OCRL: variants seen among roughly 807,000 people sequenced by gnomAD.
OCRL encodes inositol polyphosphate 5-phosphatase OCRL.
In OCRL, 8 loss-of-function variants were observed where a neutral mutation model predicts 78.9. That is an observed-to-expected ratio of 0.10 (90% CI 0.06 to 0.18). OCRL has a LOEUF of 0.18. Ranked by LOEUF, OCRL falls within the 10% of genes least tolerant of loss-of-function variation. The pLI, the probability that OCRL is intolerant of heterozygous loss-of-function variation, is 1.00. For synonymous variants in OCRL, 240 were observed against 235.4 expected (o/e 1.02, Z -0.18); for missense variants, 454 against 696.7 (o/e 0.65, Z 3.92).
Position 129,590,292 on chromosome X carries a change from T to C in OCRL, c.*22T>C. 8.3e-7 allele frequency: 1 copy of C among 1,209,819 alleles called. No individual in the cohort carries two copies. Among genetic ancestry groups the C allele is most frequent in the African/African-American group, 1.7e-5 (1 of 57,666 alleles). ...CTAAGGCTTTTACTGTTCTCTGATA[T>C]TCTAGAAGCAGACGATCTCGGGCTC... On this transcript the variant is annotated 3_prime_UTR_variant, in exon 24 of 24. Coordinates refer to ENST00000371113, the MANE Select transcript of OCRL (RefSeq NM_000276.4).
chrX:129,586,699 G>A, intron 19 of OCRL: 1 of 405,747 alleles, frequency 2.5e-6, no homozygotes, highest in South Asian at 2.4e-5. Context: ...TATCACCGGA[G>A]CACTGGTTCT....
Position 129,563,234 on chromosome X carries a change from G to A in OCRL, c.1244+448G>A, listed in dbSNP as rs3116751. ...ATATGACAACCAGTAGCCATATATG[G>A]CTGTTAGGTACCTGAAAGTGACTGG... is the stretch of plus-strand genomic sequence containing the variant. On this transcript the variant is annotated intron_variant, in intron 12 of 23. Transcript: ENST00000371113. Among the ~76,000 whole-genome samples the A allele has an allele frequency of 3.4e-3, 379 of 111,558 alleles. 3 individuals are homozygous for A. The highest frequency in any genetic ancestry group is 0.012 in the African/African-American group (355 of 30,732).
At chrX:129,584,307 G>A (rs751868743) in intron 18 of OCRL, 37 bp from the exon 19 acceptor site, 1 of 1,176,935 alleles carries the variant, frequency 8.5e-7, no homozygotes, top group East Asian at 3.0e-5. Context: ...ATCATATTCT[G>A]TCTGTCAATG....
chrX:129,558,348 A>G (rs1316019507), intron 6 of OCRL, among the ~76,000 whole-genome samples: 1 of 112,295 alleles, frequency 8.9e-6, no homozygotes, highest in Non-Finnish European at 1.9e-5. Flanking sequence ...ATCATGATAT[A>G]GTCCCTTACT....
At chrX:129,584,194 A>G (rs1184015103) in intron 18 of OCRL, 150 bp from the exon 19 acceptor site, 2 of 493,134 alleles carry the variant, frequency 4.1e-6, no homozygotes, top group African/African-American at 4.8e-5. Flanking sequence ...ATTTTCAACA[A>G]TCATAATTTA....
intron 18 of OCRL, among the ~76,000 whole-genome samples, chrX:129,579,397 C>T (rs1421341448): frequency 9.0e-6 from 1 of 111,273 alleles, no homozygotes; most frequent in Non-Finnish European, 1.9e-5. Flanking sequence ...AATAATGGTA[C>T]CTGCCCTCTG....
intron 16 of OCRL, 149 bp from the exon 17 acceptor site, chrX:129,575,748 G>T (rs1422244270): frequency 6.7e-6 from 4 of 593,307 alleles, no homozygotes; most frequent in Non-Finnish European, 8.4e-6. Flanking sequence ...GCAAGTGGAT[G>T]TTGTGAAGTT....
chrX:129,553,666 A>G (rs879052352), intron 4 of OCRL, among the ~76,000 whole-genome samples: 9 of 111,831 alleles, frequency 8.0e-5, no homozygotes, highest in Admixed American at 4.7e-4. Context: ...ACAAATACAG[A>G]TAAGTTTCCA....
intron 4 of OCRL, among the ~76,000 whole-genome samples, chrX:129,552,030 G>C (rs1309369697): frequency 8.9e-6 from 1 of 111,799 alleles, no homozygotes; most frequent in Admixed American, 9.5e-5. Context: ...AGGCTAGGGG[G>C]CAGATCTGGC....
rs12387597 is a variant in OCRL at position 129,547,247 on chromosome X, T to C, written c.200-1316T>C. Among the ~76,000 whole-genome samples, 85 of 109,538 alleles carry C rather than the reference T, an allele frequency of 7.8e-4. 2 individuals carry two copies. In the East Asian group the frequency reaches 8.3e-3, roughly 11 times the overall value. ...ATCTCTAAAGAAAAAGAAAACCGGC[T>C]GGGCGCGGTGGCTCAGGCCTGTAAT... On this transcript the variant is annotated intron_variant, in intron 3 of 23. Coordinates refer to ENST00000371113, the MANE Select transcript of OCRL (RefSeq NM_000276.4).
At chrX:129,550,937 G>GTT (rs113308111) in intron 4 of OCRL, among the ~76,000 whole-genome samples, 2 of 96,489 alleles carry the variant, frequency 2.1e-5, no homozygotes, top group African/African-American at 3.7e-5. Context: ...ATTTGACAGG[G>GTT]TTTTTTTTTT....
chrX:129,540,354 G>T lies in OCRL; in HGVS notation c.-86G>T. On this transcript the variant is annotated 5_prime_UTR_variant, in exon 1 of 24. Transcript: ENST00000371113. ...GCTGTTCCTCAAACGACACGCAGCCGAGGTGGGTGGGTGTGGGGACGCGGG... is the reference window on the plus strand; with the variant it reads ...GCTGTTCCTCAAACGACACGCAGCCTAGGTGGGTGGGTGTGGGGACGCGGG... The T allele has an allele frequency of 9.9e-7, 1 of 1,008,369 alleles. No individual in the cohort carries two copies. Among genetic ancestry groups the T allele is most frequent in the Non-Finnish European group, 1.4e-6 (1 of 739,878 alleles). 83.1% of individuals were successfully genotyped at this position (1,008,369 alleles called of 1,213,427 possible).
chrX:129,589,636 G>A, intron 22 of OCRL: 1 of 436,694 alleles, frequency 2.3e-6, no homozygotes, highest in Non-Finnish European at 4.0e-6. Flanking sequence ...GTCATTGAGT[G>A]GACAGGGACC....
chrX:129,563,162 CCATTCTT>C (rs759842199), intron 12 of OCRL, among the ~76,000 whole-genome samples: 9 of 111,870 alleles, frequency 8.0e-5, no homozygotes, highest in African/African-American at 2.9e-4. Flanking sequence ...CCAAAGGAAA[CCATTCTT>C]AACAGTTGGG....
chrX:129,569,153 G>A (rs185448595), intron 14 of OCRL, 111 bp from the exon 15 acceptor site: 6 of 888,128 alleles, frequency 6.8e-6, no homozygotes, highest in Middle Eastern at 3.0e-4. Flanking sequence ...AGAAGTACAC[G>A]GTTCTTTGGG....
At chrX:129,570,487 G>C (rs1487528907) in intron 15 of OCRL, among the ~76,000 whole-genome samples, 1 of 112,106 alleles carries the variant, frequency 8.9e-6, no homozygotes, top group Non-Finnish European at 1.9e-5. Context: ...TTCTGAGATA[G>C]ATATCACCAA....
intron 4 of OCRL, among the ~76,000 whole-genome samples, chrX:129,556,816 G>A (rs1413112253): frequency 8.9e-6 from 1 of 111,902 alleles, no homozygotes; most frequent in African/African-American, 3.2e-5. Context: ...CTTCAAACCA[G>A]TATCACTATT....
chrX:129,587,859 A>G (rs1936533874), intron 20 of OCRL, among the ~76,000 whole-genome samples: 1 of 109,086 alleles, frequency 9.2e-6, no homozygotes, highest in Non-Finnish European at 1.9e-5. Context: ...ACACGGTGAA[A>G]CCCCATCTCT....
rs374212979 is a variant in OCRL, at chrX:129,541,068, C to T, written c.119+245C>T. ...GGCGGGGAAGCAGGAAGCCTGGGTTCTTAGTTCCTGCCCCTGCAACTGACA... is the reference window on the plus strand; with the variant it reads ...GGCGGGGAAGCAGGAAGCCTGGGTTTTTAGTTCCTGCCCCTGCAACTGACA... On this transcript the variant is annotated intron_variant, in intron 2 of 23. Coordinates refer to ENST00000371113, the MANE Select transcript of OCRL (RefSeq NM_000276.4). 3.6e-5 allele frequency among the ~76,000 whole-genome samples: 4 copies of T among 112,098 alleles called. No homozygotes were observed. The South Asian group carries it at 1.1e-3, about 31-fold the overall frequency.
Sources: gnomAD v4.1 joint callset for allele counts (sites outside exome capture counted in the v4.1 genomes callset) on GRCh38, gnomAD v4.1.1 for gene constraint, MANE v1.5 for transcripts, NCBI Gene and HGNC (gene_info 2026-07-23, HGNC 2026-07-21) for gene names.